FSHR: variants seen among roughly 807,000 people sequenced by gnomAD.
The protein encoded by FSHR is follicle-stimulating hormone receptor.
FSHR carries 46 observed loss-of-function variants against 52.1 expected under a neutral mutation model. That is an observed-to-expected ratio of 0.88 (90% CI 0.70 to 1.13). The LOEUF (loss-of-function observed/expected upper bound fraction) is 1.13, where lower values mean the gene tolerates loss of function less well. FSHR is among the 50% of genes most tolerant of loss of function. The probability of loss-of-function intolerance (pLI) is 0.00; values close to 1 mark genes in which losing one functional copy is unlikely to be tolerated. For missense variants in FSHR, 964 were observed against 834.6 expected, an observed-to-expected ratio of 1.16 and a Z score of -1.91; for synonymous variants, 399 against 309.6, an observed-to-expected ratio of 1.29 and a Z score of -3.03.
At chr2:48,999,692 G>A (rs1676171984) in intron 4 of FSHR, among the ~76,000 whole-genome samples, 1 of 152,054 alleles carries the variant, frequency 6.6e-6, no homozygotes, top group Non-Finnish European at 1.5e-5. Flanking sequence ...TGTTACAATG[G>A]TCAAATACGT....
At position 49,154,252 on chromosome 2, in the gene FSHR, C is replaced by A; in HGVS notation, c.152+14G>T. 1.2e-6 allele frequency: 2 copies of A among 1,613,294 alleles called. No individual in the cohort carries two copies. Among genetic ancestry groups the A allele is most frequent in the East Asian group, 2.2e-5 (1 of 44,846 alleles). ...GCCAGCCATGCAGTTGTTCCCCCTC[C>A]CTCTGATACTCACAGTTCAATGGCA... is the stretch of plus-strand genomic sequence containing the variant. On this transcript the variant is annotated intron_variant, in intron 1 of 9. Transcript: ENST00000406846.
chr2:49,039,005 G>A (rs1027396794), intron 2 of FSHR, among the ~76,000 whole-genome samples: 3 of 152,192 alleles, frequency 2.0e-5, no homozygotes, highest in Admixed American at 1.3e-4. Context: ...TGTGCTGGAT[G>A]AGTATGCCTT....
At chr2:49,033,082 T>C (rs1668155918) in intron 2 of FSHR, among the ~76,000 whole-genome samples, 1 of 152,212 alleles carries the variant, frequency 6.6e-6, no homozygotes, top group Admixed American at 6.5e-5. Flanking sequence ...TTTAGGATCA[T>C]TGTGTCTTTA....
chr2:49,027,178 A>C (rs1349524874), intron 2 of FSHR, among the ~76,000 whole-genome samples: 1 of 151,976 alleles, frequency 6.6e-6, no homozygotes, highest in Admixed American at 6.6e-5. Flanking sequence ...AAATTCTCTC[A>C]ATTACTCTCT....
At chr2:49,057,637 C>A (rs1303970942) in intron 2 of FSHR, among the ~76,000 whole-genome samples, 1 of 152,150 alleles carries the variant, frequency 6.6e-6, no homozygotes, top group Admixed American at 6.6e-5. Flanking sequence ...TCAAATGATT[C>A]TGAAAATTGA....
chr2:49,154,175 C>T, intron 1 of FSHR, 91 bp downstream of exon 1: 3 of 1,377,506 alleles, frequency 2.2e-6, no homozygotes, highest in Non-Finnish European at 2.1e-6. Flanking sequence ...ATATTTCAGT[C>T]TAACAGATAT....
intron 8 of FSHR, among the ~76,000 whole-genome samples, chr2:48,973,267 CACAT>C (rs1174401740): frequency 1.1e-5 from 1 of 95,208 alleles, no homozygotes; most frequent in Non-Finnish European, 2.0e-5. Flanking sequence ...CACACACACA[CACAT>C]GCACATGCAA....
At chr2:48,989,397 C>T (rs567263806) in intron 5 of FSHR, among the ~76,000 whole-genome samples, 1 of 151,784 alleles carries the variant, frequency 6.6e-6, no homozygotes, top group Middle Eastern at 3.4e-3. Context: ...ATCCTGCCAC[C>T]TCAGCCTCCA....
At chr2:49,127,509 A>G (rs1672048478) in intron 1 of FSHR, among the ~76,000 whole-genome samples, 1 of 143,234 alleles carries the variant, frequency 7.0e-6, no homozygotes, top group African/African-American at 2.6e-5. Context: ...TTTCTCAATG[A>G]CCACCACAAT....
intron 2 of FSHR, among the ~76,000 whole-genome samples, chr2:49,023,376 G>A (rs1572647450): frequency 6.6e-6 from 1 of 152,182 alleles, no homozygotes; most frequent in Admixed American, 6.5e-5. Flanking sequence ...TCAAAGGGTA[G>A]ACTAAGGAAA....
intron 1 of FSHR, among the ~76,000 whole-genome samples, chr2:49,082,899 G>A (rs1039639541): frequency 2.0e-5 from 3 of 152,042 alleles, no homozygotes; most frequent in African/African-American, 7.3e-5. Flanking sequence ...GGGGAGAATG[G>A]AACCAAGTTG....
intron 1 of FSHR, among the ~76,000 whole-genome samples, chr2:49,112,314 A>G (rs1175525419): frequency 6.6e-6 from 1 of 152,200 alleles, no homozygotes; most frequent in African/African-American, 2.4e-5. Context: ...AATATAACAC[A>G]CACAATAGAA....
rs531414321 is a variant in FSHR at position 48,967,644 on chromosome 2, G to A, written c.854+1054C>T. Among the ~76,000 whole-genome samples, 65 of 152,278 alleles carry A rather than the reference G, an allele frequency of 4.3e-4. 1 individual carries two copies. Among genetic ancestry groups the A allele is most frequent in the Admixed American group, 2.4e-3 (37 of 15,296 alleles). Reference sequence around the variant, plus strand: ...TGATGCATGCAGATTCTGAAAAACAGCTATTTTTCTACAAATCCTCCAAAA... The same window carrying A: ...TGATGCATGCAGATTCTGAAAAACAACTATTTTTCTACAAATCCTCCAAAA... On this transcript the variant is annotated intron_variant, in intron 9 of 9. Coordinates refer to ENST00000406846, the MANE Select transcript of FSHR (RefSeq NM_000145.4).
chr2:49,154,168 T>A (rs1442873774), intron 1 of FSHR, 98 bp downstream of exon 1: 1 of 1,322,572 alleles, frequency 7.6e-7, no homozygotes, highest in East Asian at 2.4e-5. Flanking sequence ...GGCAGAAATA[T>A]TTCAGTCTAA....
intron 1 of FSHR, among the ~76,000 whole-genome samples, chr2:49,154,027 G>T (rs1188771051): frequency 6.6e-6 from 1 of 152,088 alleles, no homozygotes; most frequent in Non-Finnish European, 1.5e-5. Flanking sequence ...TTTGCCTTTG[G>T]ATTCCGGTTC....
intron 1 of FSHR, among the ~76,000 whole-genome samples, chr2:49,095,831 G>T (rs1030343694): frequency 2.6e-5 from 4 of 152,086 alleles, no homozygotes; most frequent in African/African-American, 7.2e-5. Flanking sequence ...CTCCAGTAAA[G>T]ATATACAAAT....
intron 1 of FSHR, among the ~76,000 whole-genome samples, chr2:49,143,909 A>G (rs1672779060): frequency 6.6e-6 from 1 of 152,112 alleles, no homozygotes; most frequent in African/African-American, 2.4e-5. Context: ...AGGGGTGGAA[A>G]TCGGGTAAAA....
intron 1 of FSHR, among the ~76,000 whole-genome samples, chr2:49,111,464 G>T (rs2103753487): frequency 6.6e-6 from 1 of 152,256 alleles, no homozygotes; most frequent in South Asian, 2.1e-4. Context: ...TCTCCAGCGG[G>T]CCGAGGAAAG....
At chr2:49,084,676 C>G (rs2103668779) in intron 1 of FSHR, among the ~76,000 whole-genome samples, 1 of 152,236 alleles carries the variant, frequency 6.6e-6, no homozygotes, top group Admixed American at 6.5e-5. Context: ...ATCACCGATC[C>G]CACAGAAATA....
Sources: allele counts gnomAD v4.1 joint callset (sites outside exome capture counted in the v4.1 genomes callset), GRCh38; gene constraint gnomAD v4.1.1; transcripts MANE v1.5; gene names NCBI Gene and HGNC (gene_info 2026-07-23, HGNC 2026-07-21).